The following PRKCE variants were observed in gnomAD, a reference collection of about 807,000 sequenced individuals.
The protein encoded by PRKCE is protein kinase C epsilon type.
Under a neutral mutation model 85.4 loss-of-function variants are expected in PRKCE, and 16 were observed. That is an observed-to-expected ratio of 0.19 (90% CI 0.13 to 0.28). The LOEUF is 0.28. Among genes scored for constraint, PRKCE ranks in the 10% least tolerant of loss-of-function variants. The pLI is 1.00. For missense variants in PRKCE, 573 were observed against 975.2 expected, an observed-to-expected ratio of 0.59 and a Z score of 5.49; for synonymous variants, 388 against 371.5, an observed-to-expected ratio of 1.04 and a Z score of -0.51.
chr2:46,107,236 T>C (rs114931145), intron 11 of PRKCE, among the ~76,000 whole-genome samples: 1,591 of 152,364 alleles, frequency 0.01, 38 homozygotes, highest in African/African-American at 0.036. Flanking sequence ...TGCCATTTAA[T>C]TGGAATCAGA....
intron 2 of PRKCE, among the ~76,000 whole-genome samples, chr2:45,964,968 A>G: frequency 6.6e-6 from 1 of 152,228 alleles, no homozygotes; most frequent in East Asian, 1.9e-4. Context: ...TCAGAAAGTG[A>G]AGAGGAAGGA....
At chr2:45,946,646 A>C (rs776351411) in intron 2 of PRKCE, among the ~76,000 whole-genome samples, 1 of 152,204 alleles carries the variant, frequency 6.6e-6, no homozygotes, top group Non-Finnish European at 1.5e-5. Flanking sequence ...TTTTTGGTGG[A>C]GTTCCATGGA....
chr2:45,947,068 G>T (rs1700291461), intron 2 of PRKCE, among the ~76,000 whole-genome samples: 1 of 152,196 alleles, frequency 6.6e-6, no homozygotes, highest in Non-Finnish European at 1.5e-5. Flanking sequence ...CACCTGGTGT[G>T]TTTATTGTTA....
At chr2:45,791,467 G>A (rs1573372707) in intron 1 of PRKCE, among the ~76,000 whole-genome samples, 1 of 152,210 alleles carries the variant, frequency 6.6e-6, no homozygotes, top group Non-Finnish European at 1.5e-5. Flanking sequence ...CTGTGGGCCA[G>A]CAGGCTCAGC....
chr2:45,903,915 G>GT (rs57203202), intron 2 of PRKCE, among the ~76,000 whole-genome samples: 2 of 93,656 alleles, frequency 2.1e-5, no homozygotes, highest in African/African-American at 3.3e-5. Context: ...TTGTTTGTTT[G>GT]TTTTTTTTGG....
chr2:45,838,356 T>C (rs1298855382), intron 1 of PRKCE, among the ~76,000 whole-genome samples: 1 of 152,250 alleles, frequency 6.6e-6, no homozygotes, highest in African/African-American at 2.4e-5. Context: ...GTGAGAATTC[T>C]GGCTGAAAGC....
rs189045689 is a variant in PRKCE, at chr2:45,655,464, C to T, written c.348+3016C>T. On this transcript the variant is annotated intron_variant, in intron 1 of 14. Transcript: ENST00000306156. ...CAGGGAAGCCTAAAAGTTGGACACC[C>T]TGATGTAGACACTTAACTAGCAATT... is the stretch of plus-strand genomic sequence containing the variant. 2.5e-3 allele frequency among the ~76,000 whole-genome samples: 374 copies of T among 152,152 alleles called. 3 individuals carry two copies. The highest frequency in any genetic ancestry group is 4.1e-3 in the Non-Finnish European group (279 of 68,012).
At chr2:45,877,317 C>T (rs1573713309) in intron 2 of PRKCE, among the ~76,000 whole-genome samples, 1 of 152,070 alleles carries the variant, frequency 6.6e-6, no homozygotes, top group South Asian at 2.1e-4. Context: ...CTTATTTTTT[C>T]TTAGAGTTCA....
chr2:46,101,594 G>A (rs1317647753), intron 11 of PRKCE, among the ~76,000 whole-genome samples: 1 of 152,190 alleles, frequency 6.6e-6, no homozygotes, highest in Non-Finnish European at 1.5e-5. Context: ...GACTGTCAAA[G>A]CCCTGTAAGT....
chr2:45,735,625 G>A (rs767526233), intron 1 of PRKCE, among the ~76,000 whole-genome samples: 24 of 152,354 alleles, frequency 1.6e-4, no homozygotes, highest in Non-Finnish European at 2.4e-4. Flanking sequence ...CAGATTTGTG[G>A]AAGGGAAAGG....
intron 1 of PRKCE, among the ~76,000 whole-genome samples, chr2:45,841,594 G>A (rs1352502220): frequency 6.6e-6 from 1 of 152,144 alleles, no homozygotes; most frequent in Non-Finnish European, 1.5e-5. Context: ...CAGTCCACTG[G>A]CTCAAATATT....
At chr2:45,873,404 T>C (rs1395207349) in intron 2 of PRKCE, among the ~76,000 whole-genome samples, 1 of 149,834 alleles carries the variant, frequency 6.7e-6, no homozygotes, top group Non-Finnish European at 1.5e-5. Flanking sequence ...TTGTTTGTGG[T>C]ACAAGCTGCA....
At chr2:45,761,066 G>A (rs578035575) in intron 1 of PRKCE, among the ~76,000 whole-genome samples, 95 of 152,186 alleles carry the variant, frequency 6.2e-4, no homozygotes, top group African/African-American at 2.1e-3. Flanking sequence ...GGTGGCTCAC[G>A]CCTGTAATCC....
chr2:45,807,455 T>C (rs1297880680), intron 1 of PRKCE, among the ~76,000 whole-genome samples: 5 of 152,252 alleles, frequency 3.3e-5, no homozygotes, highest in African/African-American at 1.2e-4. Flanking sequence ...TGAATAGATG[T>C]GACAGCTAGT....
intron 2 of PRKCE, among the ~76,000 whole-genome samples, chr2:45,961,047 T>A (rs1446923446): frequency 6.6e-6 from 1 of 152,218 alleles, no homozygotes; most frequent in Non-Finnish European, 1.5e-5. Context: ...ATACCAGGAC[T>A]TTAGCGTCTC....
chr2:45,967,657 A>G (rs1214788670), intron 2 of PRKCE, among the ~76,000 whole-genome samples: 1 of 152,186 alleles, frequency 6.6e-6, no homozygotes, highest in African/African-American at 2.4e-5. Context: ...AGGAAATAAC[A>G]AAATTTGAAG....
chr2:45,709,416 AC>A (rs1443081216), intron 1 of PRKCE, among the ~76,000 whole-genome samples: 1 of 152,168 alleles, frequency 6.6e-6, no homozygotes, highest in Admixed American at 6.5e-5. Flanking sequence ...CAGCTATTTG[AC>A]CTTGGACAAG....
At chr2:45,739,834 C>G (rs951255079) in intron 1 of PRKCE, among the ~76,000 whole-genome samples, 2 of 152,176 alleles carry the variant, frequency 1.3e-5, no homozygotes, top group Admixed American at 6.5e-5. Context: ...GGGAAAATTT[C>G]ACAGTATGTA....
At chr2:46,061,859 C>CTTTTTCTTTTT (rs1667165973) in intron 10 of PRKCE, among the ~76,000 whole-genome samples, 20 of 107,748 alleles carry the variant, frequency 1.9e-4, no homozygotes, top group African/African-American at 5.2e-4. Flanking sequence ...TTTTCTTTTT[C>CTTTTTCTTTTT]TTTTTTTTTT....
Sources: allele counts gnomAD v4.1 joint callset (sites outside exome capture counted in the v4.1 genomes callset), GRCh38; gene constraint gnomAD v4.1.1; transcripts MANE v1.5; gene names NCBI Gene and HGNC (gene_info 2026-07-23, HGNC 2026-07-21).